DPH6: variants seen among roughly 807,000 people sequenced by gnomAD.
DPH6 encodes diphthine--ammonia ligase.
DPH6 carries 33 observed loss-of-function variants against 38.2 expected under a neutral mutation model. The ratio of observed to expected loss-of-function variants is 0.86; its 90% CI spans 0.65 to 1.15. The LOEUF (loss-of-function observed/expected upper bound fraction) is 1.15. DPH6 is among the 50% of genes most tolerant of loss of function. DPH6 has a pLI of 0.00. For synonymous variants in DPH6, 108 were observed against 103.0 expected (o/e 1.05, Z -0.30); for missense variants, 325 against 320.0 (o/e 1.02, Z -0.12).
chr15:35,301,034 A>T (rs1337133685), intron 3 of DPH6, among the ~76,000 whole-genome samples: 1 of 152,218 alleles, frequency 6.6e-6, no homozygotes, highest in Admixed American at 6.5e-5. Context: ...TCTGAGCAAC[A>T]AGAAAATGGT....
intron 3 of DPH6, among the ~76,000 whole-genome samples, chr15:35,265,532 G>A (rs1288333231): frequency 1.3e-5 from 2 of 152,148 alleles, no homozygotes; most frequent in South Asian, 2.1e-4. Context: ...TCTTAACACT[G>A]CTCTCTCCAT....
At chr15:35,190,788 C>T in the DPH6 span, among the ~76,000 whole-genome samples, 2,236 of 152,322 alleles carry the variant, frequency 0.015, 40 homozygotes, top group African/African-American at 0.044. Flanking sequence ...AAAGTTAGTT[C>T]GGCTTTTGCC....
intron 3 of DPH6, among the ~76,000 whole-genome samples, chr15:35,223,285 C>T (rs1595434400): frequency 6.6e-6 from 1 of 152,306 alleles, no homozygotes; most frequent in East Asian, 1.9e-4. Context: ...CAAATCTACT[C>T]TCCTGATAGT....
chr15:35,318,285 C>T (rs1440433903), intron 3 of DPH6, among the ~76,000 whole-genome samples: 2 of 151,850 alleles, frequency 1.3e-5, no homozygotes, highest in Non-Finnish European at 1.5e-5. Context: ...AAAGAAAATC[C>T]ACCAGGAAAA....
intron 3 of DPH6, among the ~76,000 whole-genome samples, chr15:35,509,803 T>G (rs540433881): frequency 3.2e-4 from 49 of 152,238 alleles, no homozygotes; most frequent in Non-Finnish European, 6.0e-4. Context: ...GCCTTCTTAC[T>G]TATCTTTCTT....
intron 3 of DPH6, among the ~76,000 whole-genome samples, chr15:35,481,645 T>A (rs2054328401): frequency 6.6e-6 from 1 of 152,168 alleles, no homozygotes; most frequent in Non-Finnish European, 1.5e-5. Context: ...TAGAGATAGA[T>A]GCTGAAATAT....
At chr15:35,534,672 G>T (rs895849594) in intron 3 of DPH6, among the ~76,000 whole-genome samples, 6 of 151,996 alleles carry the variant, frequency 3.9e-5, no homozygotes, top group African/African-American at 1.4e-4. Context: ...GATACATGAA[G>T]ATTCAGTCTA....
intron 3 of DPH6, among the ~76,000 whole-genome samples, chr15:35,536,092 G>A (rs2055164783): frequency 6.6e-6 from 1 of 151,866 alleles, no homozygotes; most frequent in Non-Finnish European, 1.5e-5. Context: ...AAAAAATGCA[G>A]TTCTTTCTTT....
chr15:35,388,201 C>CAA (rs1232895592), intron 6 of DPH6, among the ~76,000 whole-genome samples: 1 of 152,146 alleles, frequency 6.6e-6, no homozygotes, highest in Non-Finnish European at 1.5e-5. Context: ...CCCACTTGAT[C>CAA]ATGGTGAATA....
At chr15:35,363,880 T>C (rs2140910078) in intron 3 of DPH6, among the ~76,000 whole-genome samples, 1 of 152,150 alleles carries the variant, frequency 6.6e-6, no homozygotes, top group Admixed American at 6.5e-5. Context: ...TGCCTTTTTT[T>C]ATATACAATG....
intron 3 of DPH6, among the ~76,000 whole-genome samples, chr15:35,265,540 C>T (rs1566854574): frequency 6.6e-6 from 1 of 152,154 alleles, no homozygotes; most frequent in Non-Finnish European, 1.5e-5. Flanking sequence ...CTGCTCTCTC[C>T]ATCTGCAAGA....
the DPH6 span, among the ~76,000 whole-genome samples, chr15:35,150,704 A>G: frequency 1.3e-5 from 2 of 152,184 alleles, no homozygotes; most frequent in Non-Finnish European, 2.9e-5. Context: ...GGAGATCATC[A>G]TATTCATGCA....
intron 3 of DPH6, among the ~76,000 whole-genome samples, chr15:35,270,036 T>A (rs1415467126): frequency 1.3e-5 from 2 of 151,830 alleles, no homozygotes; most frequent in Middle Eastern, 3.4e-3. Flanking sequence ...CCTGACCTCG[T>A]GATCCGCCCG....
At chr15:35,501,183 T>C (rs1408069085) in intron 3 of DPH6, among the ~76,000 whole-genome samples, 2 of 152,188 alleles carry the variant, frequency 1.3e-5, no homozygotes, top group African/African-American at 2.4e-5. Context: ...TTTCCCCTAA[T>C]ATCATAATGA....
At chr15:35,313,138 C>T (rs368083160) in intron 3 of DPH6, among the ~76,000 whole-genome samples, 3 of 151,912 alleles carry the variant, frequency 2.0e-5, no homozygotes, top group African/African-American at 7.3e-5. Context: ...AAGGCTGAGG[C>T]AGGAGAATGG....
rs372204238 is a variant in DPH6, at chr15:35,392,517, A to G, written c.568-10601T>C. 8.5e-5 allele frequency among the ~76,000 whole-genome samples: 13 copies of G among 152,280 alleles called. 2 individuals carry two copies. The highest frequency in any genetic ancestry group is 2.0e-4 in the Admixed American group (3 of 15,292). ...TCATTTTATAAACGGTATTCTTAACATAGAAGATAATTCATTCATAACACT... is the reference window on the plus strand; with the variant it reads ...TCATTTTATAAACGGTATTCTTAACGTAGAAGATAATTCATTCATAACACT... On this transcript the variant is annotated intron_variant, in intron 6 of 8. Coordinates refer to ENST00000256538, the MANE Select transcript of DPH6 (RefSeq NM_080650.4).
intron 3 of DPH6, among the ~76,000 whole-genome samples, chr15:35,279,633 ACCTGCTCC>A (rs2051885519): frequency 6.6e-6 from 1 of 152,094 alleles, no homozygotes; most frequent in South Asian, 2.1e-4. Context: ...CATAGGATGC[ACCTGCTCC>A]CCTTTGCCTT....
chr15:35,215,828 G>A (rs147284460), downstream of DPH6, among the ~76,000 whole-genome samples: 1 of 152,368 alleles, frequency 6.6e-6, no homozygotes, highest in African/African-American at 2.4e-5. Flanking sequence ...GGAACTTGGA[G>A]AAGTCAAGTA....
intron 3 of DPH6, among the ~76,000 whole-genome samples, chr15:35,478,310 A>AT (rs1418393345): frequency 6.7e-6 from 1 of 148,528 alleles, no homozygotes; most frequent in Non-Finnish European, 1.5e-5. Flanking sequence ...AATTTTAAAG[A>AT]AAAAAATGTA....
Sources: allele counts gnomAD v4.1 joint callset (sites outside exome capture counted in the v4.1 genomes callset), GRCh38; gene constraint gnomAD v4.1.1; transcripts MANE v1.5; gene names NCBI Gene and HGNC (gene_info 2026-07-23, HGNC 2026-07-21).